The following PDPN variants were observed in gnomAD, a reference collection of about 807,000 sequenced individuals.
PDPN encodes the protein podoplanin.
In PDPN, 12 loss-of-function variants were observed where a neutral mutation model predicts 23.2. The ratio of observed to expected loss-of-function variants is 0.52; its 90% CI spans 0.33 to 0.84. The LOEUF (loss-of-function observed/expected upper bound fraction) is 0.84. Ranked by LOEUF, PDPN falls within the 40% of genes least tolerant of loss-of-function variation. The probability of loss-of-function intolerance (pLI) is 0.02; values close to 1 mark genes in which losing one functional copy is unlikely to be tolerated. For missense variants in PDPN, 199 were observed against 212.2 expected (o/e 0.94, Z 0.39); for synonymous variants, 77 against 76.7 (o/e 1.00, Z -0.02).
chr1:13,611,955 A>G (rs1415967625), intron 3 of PDPN, among the ~76,000 whole-genome samples: 2 of 152,230 alleles, frequency 1.3e-5, no homozygotes, highest in Non-Finnish European at 2.9e-5. Context: ...GTGGGTTGAC[A>G]GCTAATTAGC....
intron 1 of PDPN, among the ~76,000 whole-genome samples, chr1:13,588,826 G>A (rs983999599): frequency 4.6e-5 from 7 of 151,586 alleles, no homozygotes; most frequent in African/African-American, 1.5e-4. Flanking sequence ...CCACAGGTGT[G>A]CACCACCACA....
At position 13,610,440 on chromosome 1, in the gene PDPN, T is replaced by C. The variant is rs756375626; in HGVS notation, c.255T>C (p.Thr85=). 3.7e-6 allele frequency: 6 copies of C among 1,614,066 alleles called. No individual in the cohort carries two copies. The South Asian group carries it at 4.4e-5, about 12-fold the overall frequency. ...VTGIRIEDLP[T]SESTVHAQEQ... ...GCATTCGCATCGAGGATCTGCCAAC[T>C]TCAGAAAGCACAGTCCACGCGCAAG... The change falls in exon 3 of 6, where the codon ACT becomes ACC. Residue 85 remains threonine (T), a synonymous_variant. Coordinates refer to ENST00000621990, the MANE Select transcript of PDPN (RefSeq NM_006474.5).
At chr1:13,593,870 G>C (rs1322122567) in intron 1 of PDPN, among the ~76,000 whole-genome samples, 1 of 152,198 alleles carries the variant, frequency 6.6e-6, no homozygotes, top group Non-Finnish European at 1.5e-5. Flanking sequence ...GGGAATGTTC[G>C]TGACACCAGC....
chr1:13,606,924 G>A (rs1482400199), intron 1 of PDPN, among the ~76,000 whole-genome samples: 1 of 152,188 alleles, frequency 6.6e-6, no homozygotes, highest in Non-Finnish European at 1.5e-5. Context: ...GGAGGGGCTG[G>A]CTGCTCTACC....
intron 1 of PDPN, among the ~76,000 whole-genome samples, chr1:13,606,460 G>T (rs1003788200): frequency 2.6e-5 from 4 of 152,138 alleles, no homozygotes; most frequent in Non-Finnish European, 5.9e-5. Context: ...GGTTCTAATT[G>T]TCCAAGTGAA....
chr1:13,615,389 G>A (rs954597332), intron 5 of PDPN, among the ~76,000 whole-genome samples: 5 of 151,276 alleles, frequency 3.3e-5, no homozygotes, highest in South Asian at 2.1e-4. Context: ...AGGTTCAAGC[G>A]ATTCCCCTGC....
At chr1:13,597,213 T>C (rs893669672) in intron 1 of PDPN, among the ~76,000 whole-genome samples, 1 of 152,204 alleles carries the variant, frequency 6.6e-6, no homozygotes. Flanking sequence ...TCCCAGAATA[T>C]GAATTTTAAA....
chr1:13,596,568 C>T (rs1439555185), intron 1 of PDPN, among the ~76,000 whole-genome samples: 2 of 152,198 alleles, frequency 1.3e-5, no homozygotes, highest in Admixed American at 6.5e-5. Flanking sequence ...GCACACAGCT[C>T]TGGGTTAGGG....
intron 1 of PDPN, among the ~76,000 whole-genome samples, chr1:13,589,243 T>C (rs552503257): frequency 6.6e-6 from 1 of 152,218 alleles, no homozygotes; most frequent in African/African-American, 2.4e-5. Context: ...TAGCATCTTG[T>C]GGGGTATCTC....
At chr1:13,611,267 CT>C (rs201184467) in intron 3 of PDPN, among the ~76,000 whole-genome samples, 17 of 150,388 alleles carry the variant, frequency 1.1e-4, no homozygotes, top group Middle Eastern at 3.4e-3. Context: ...CAAAAACAAG[CT>C]TTTTTTTTGT....
intron 1 of PDPN, among the ~76,000 whole-genome samples, chr1:13,603,777 C>T (rs1005168460): frequency 5.3e-5 from 8 of 152,094 alleles, no homozygotes; most frequent in Middle Eastern, 3.4e-3. Context: ...TTAGTAGAGA[C>T]GGGGTTTCAC....
chr1:13,603,504 G>C (rs1034539495), intron 1 of PDPN, among the ~76,000 whole-genome samples: 1 of 151,686 alleles, frequency 6.6e-6, no homozygotes. Context: ...CATTGCTTAC[G>C]TTTATTTGTT....
intron 1 of PDPN, chr1:13,585,449 C>T: frequency 7.7e-7 from 1 of 1,299,572 alleles, no homozygotes; most frequent in South Asian, 1.2e-5. Flanking sequence ...TCTGTATTTT[C>T]AGTTACATTT....
At chr1:13,594,440 A>G (rs1162392000) in intron 1 of PDPN, among the ~76,000 whole-genome samples, 5 of 152,152 alleles carry the variant, frequency 3.3e-5, no homozygotes, top group African/African-American at 1.2e-4. Flanking sequence ...AGAAGCCACC[A>G]TCTAGGGCAG....
At chr1:13,598,191 G>T (rs1278089078) in intron 1 of PDPN, among the ~76,000 whole-genome samples, 1 of 151,750 alleles carries the variant, frequency 6.6e-6, no homozygotes, top group Admixed American at 6.6e-5. Flanking sequence ...AATTTTTTGT[G>T]TTTTTAGTAG....
At chr1:13,586,870 G>A (rs1179780464) in intron 1 of PDPN, among the ~76,000 whole-genome samples, 1 of 151,802 alleles carries the variant, frequency 6.6e-6, no homozygotes, top group South Asian at 2.1e-4. Flanking sequence ...TGGCCAATAT[G>A]GTGAAACCCC....
In PDPN at chr1:13,615,992, G is replaced by GGGA. The variant is rs1345562135; in HGVS notation, c.*83_*85dup. ...CTCTGTGCCCTGTCCCTGAGCTCGT[G>GGGA]GGAGAAGATGACCCGTGGAACACTT... On this transcript the variant is annotated 3_prime_UTR_variant, in exon 6 of 6. Transcript: ENST00000621990. 6 of 1,331,874 alleles carry GGGA rather than the reference G, an allele frequency of 4.5e-6. No individual in the cohort carries two copies. Among genetic ancestry groups the GGGA allele is most frequent in the Non-Finnish European group, 6.5e-6 (6 of 923,376 alleles). The allele number at this position is 1,331,874 out of a possible 1,614,324, so 82.5% of individuals were successfully genotyped here.
At chr1:13,608,119 A>G (rs1191830662) in intron 2 of PDPN, among the ~76,000 whole-genome samples, 1 of 152,158 alleles carries the variant, frequency 6.6e-6, no homozygotes, top group Non-Finnish European at 1.5e-5. Context: ...AAATAAATAA[A>G]TAAATAAGTC....
At chr1:13,615,269 CCTTTTTCTTTCTCTTT>C (rs968183250) in intron 5 of PDPN, among the ~76,000 whole-genome samples, 1 of 150,734 alleles carries the variant, frequency 6.6e-6, no homozygotes, top group African/African-American at 2.5e-5. Flanking sequence ...CCAGAGGAAA[CCTTTTTCTTTCTCTTT>C]CTTTTTCTTT....
Sources: gnomAD v4.1 joint callset for allele counts (sites outside exome capture counted in the v4.1 genomes callset) on GRCh38, gnomAD v4.1.1 for gene constraint, MANE v1.5 for transcripts, NCBI Gene and HGNC (gene_info 2026-07-23, HGNC 2026-07-21) for gene names.